The following RFX1 variants were observed in gnomAD, a reference collection of about 807,000 sequenced individuals.
RFX1 encodes regulatory factor X1, also known as MHC class II regulatory factor RFX1.
Under a neutral mutation model 119.6 loss-of-function variants are expected in RFX1, and 42 were observed. The ratio of observed to expected loss-of-function variants is 0.35; its 90% CI spans 0.27 to 0.45. The LOEUF (loss-of-function observed/expected upper bound fraction) is 0.45, where lower values mean the gene tolerates loss of function less well. Ranked by LOEUF, RFX1 falls within the 20% of genes least tolerant of loss-of-function variation. The pLI is 1.00. For missense variants in RFX1, 1,118 were observed against 1,368.1 expected, an observed-to-expected ratio of 0.82 and a Z score of 2.88; for synonymous variants, 628 against 618.5, an observed-to-expected ratio of 1.02 and a Z score of -0.23.
chr19:13,969,391 G>A lies in RFX1; in HGVS notation c.1497-497C>T, dbSNP rs1180568729. On this transcript the variant is annotated intron_variant, in intron 10 of 20. Transcript: ENST00000254325. This position sits in a 1 kb window ranked among gnomAD's most constrained non-coding sequence, Gnocchi z 4.5. ...TGTGGGCCGGGCACGGTGGGGTCATGCCTATAATCCTAGCACTTTGGGAGG... is the reference window on the plus strand; with the variant it reads ...TGTGGGCCGGGCACGGTGGGGTCATACCTATAATCCTAGCACTTTGGGAGG... Among the ~76,000 whole-genome samples, 1 of 152,180 alleles carries A rather than the reference G, an allele frequency of 6.6e-6. No homozygotes were observed. The highest frequency in any genetic ancestry group is 1.5e-5 in the Non-Finnish European group (1 of 68,028).
chr19:14,001,497 C>T (rs962381223), intron 1 of RFX1, among the ~76,000 whole-genome samples: 2 of 152,162 alleles, frequency 1.3e-5, no homozygotes, highest in African/African-American at 4.8e-5. Context: ...GATGGGGTCT[C>T]GCTATGTTGC....
Position 13,978,051 on chromosome 19 carries a change from C to A in RFX1, c.870G>T (p.Val290=). 6.2e-7 allele frequency: 1 copy of A among 1,613,596 alleles called. No homozygotes were observed. The highest frequency in any genetic ancestry group is 1.1e-5 in the South Asian group (1 of 91,084). ...CCACATACTGCACCTGGCTGGAGTA[C>A]ACGTGTGGGACGGGCACCTGCTGGA... ...QQLQQVPVPH[V]YSSQVQYVEG... Residue 290 remains valine (V), a synonymous_variant, in exon 8 of 21, where the codon GTG becomes GTT. Coordinates refer to ENST00000254325, the MANE Select transcript of RFX1 (RefSeq NM_002918.5).
chr19:14,004,220 G>A (rs1975301835), intron 1 of RFX1, among the ~76,000 whole-genome samples: 2 of 151,206 alleles, frequency 1.3e-5, no homozygotes, highest in South Asian at 4.3e-4. Flanking sequence ...GCTTTTTTAA[G>A]AAGGGCTAGC....
chr19:13,987,097 C>T (rs949037683), intron 2 of RFX1, among the ~76,000 whole-genome samples: 2 of 152,220 alleles, frequency 1.3e-5, no homozygotes, highest in African/African-American at 4.8e-5. Context: ...CCTAGAACTC[C>T]AAGTGAGAGA....
chr19:13,962,875 G>A lies in RFX1; in HGVS notation c.2771-11C>T. 6.5e-7 allele frequency: 1 copy of A among 1,532,490 alleles called. No homozygotes were observed. The highest frequency in any genetic ancestry group is 8.8e-7 in the Non-Finnish European group (1 of 1,138,764). The allele number at this position is 1,532,490 out of a possible 1,614,324, so 94.9% of individuals were successfully genotyped here. On this transcript the variant is annotated splice_polypyrimidine_tract_variant and intron_variant, in intron 20 of 20. Transcript: ENST00000254325. ...CTTCTTCCTCCTCGTCTGGAACACA[G>A]GGACCAAGTCCGGCTCGGGGCGGGG...
chr19:13,993,547 C>T lies in RFX1; in HGVS notation c.297G>A (p.Gln99=). The change falls in exon 2 of 21, where the codon CAG becomes CAA. Residue 99 remains glutamine (Q), a synonymous_variant. Coordinates refer to ENST00000254325, the MANE Select transcript of RFX1 (RefSeq NM_002918.5). ...TACCAGAGACAGTGACCACGATGTA[C>T]TGCTGGGGTGCAGGCGAAGGGGTGG... ...GAPTPSPAPQ[Q]YIVVTVSEGA... 6.2e-7 allele frequency: 1 copy of T among 1,612,938 alleles called. No individual in the cohort carries two copies. The highest frequency in any genetic ancestry group is 8.5e-7 in the Non-Finnish European group (1 of 1,179,552).
At chr19:13,976,279 G>A (rs546373068) in intron 8 of RFX1, among the ~76,000 whole-genome samples, 2 of 152,370 alleles carry the variant, frequency 1.3e-5, no homozygotes, top group Non-Finnish European at 2.9e-5. Context: ...TCCCAGCATT[G>A]TCCCCAGAAG....
intron 7 of RFX1, among the ~76,000 whole-genome samples, chr19:13,978,945 C>G (rs933029142): frequency 2.0e-5 from 3 of 151,744 alleles, no homozygotes; most frequent in Non-Finnish European, 4.4e-5. Context: ...CGTAATGGGG[C>G]GGCGGCGGCT....
At chr19:13,997,050 C>T (rs147680886) in intron 1 of RFX1, among the ~76,000 whole-genome samples, 23 of 150,096 alleles carry the variant, frequency 1.5e-4, no homozygotes, top group South Asian at 4.1e-4. Context: ...AGTAAGTACA[C>T]GGCATCTTGC....
At chr19:13,975,864 G>C (rs943532078) in intron 8 of RFX1, among the ~76,000 whole-genome samples, 1 of 152,248 alleles carries the variant, frequency 6.6e-6, no homozygotes, top group Non-Finnish European at 1.5e-5. Flanking sequence ...TTCACTCAGA[G>C]GGAGAGACAG....
chr19:13,988,080 G>GCAATGACA (rs1428339411), intron 2 of RFX1, among the ~76,000 whole-genome samples: 1 of 148,704 alleles, frequency 6.7e-6, no homozygotes, highest in Non-Finnish European at 1.5e-5. Context: ...AGGCTGGAGC[G>GCAATGACA]CAATGACATG....
At chr19:13,972,471 G>A (rs546831300) in intron 9 of RFX1, among the ~76,000 whole-genome samples, 15 of 152,318 alleles carry the variant, frequency 9.8e-5, no homozygotes, top group Admixed American at 1.3e-4. Flanking sequence ...TGGGATTACA[G>A]GTGTGAGCCA....
chr19:13,985,725 C>T lies in RFX1; in HGVS notation c.320-2130G>A, dbSNP rs183259850. 6.6e-6 allele frequency among the ~76,000 whole-genome samples: 1 copy of T among 152,306 alleles called. No homozygotes were observed. The highest frequency in any genetic ancestry group is 6.5e-5 in the Admixed American group (1 of 15,294). On this transcript the variant is annotated intron_variant, in intron 2 of 20. Coordinates refer to ENST00000254325, the MANE Select transcript of RFX1 (RefSeq NM_002918.5). This position sits in a 1 kb window ranked among gnomAD's most constrained non-coding sequence, Gnocchi z 4.3. ...GGAAGGAAAGTAAGCTGGGGGTCTA[C>T]GGGGACCCCTCAAAGTCTGAAGTAT...
rs7253273 is a variant in RFX1 at position 13,983,318 on chromosome 19, G to A, written c.430-48C>T. On this transcript the variant is annotated intron_variant, in intron 3 of 20. Transcript: ENST00000254325. Reference sequence around the variant, plus strand: ...GCTGAGCTGCCACTTCCCCCAGGGAGGCCTGGCGTGGTTGGGTGGCGGGCG... The same window carrying A: ...GCTGAGCTGCCACTTCCCCCAGGGAAGCCTGGCGTGGTTGGGTGGCGGGCG... 5,554 of 1,473,108 alleles carry A rather than the reference G, an allele frequency of 3.8e-3. 170 individuals carry two copies. In the African/African-American group the frequency reaches 0.066, roughly 18 times the overall value. The allele number at this position is 1,473,108 out of a possible 1,614,324, so 91.3% of individuals were successfully genotyped here. A position where few individuals can be genotyped will look rare whatever the true frequency, so the allele number is the denominator to read the frequency against.
intron 1 of RFX1, among the ~76,000 whole-genome samples, chr19:14,002,269 C>T (rs1025215573): frequency 4.1e-5 from 6 of 145,878 alleles, no homozygotes; most frequent in Admixed American, 2.1e-4. Flanking sequence ...GAGCCAAGAT[C>T]GTGCCACTGC....
In RFX1 at chr19:13,983,475, C is replaced by T. The variant is rs1373862851; in HGVS notation, c.429+11G>A. ...GGCCCTCCCCCACCCCCTGGGAGGG[C>T]CACATCCTACCTGCTGGGTGCCCTG... On this transcript the variant is annotated intron_variant, in intron 3 of 20. Coordinates refer to ENST00000254325, the MANE Select transcript of RFX1 (RefSeq NM_002918.5). The T allele has an allele frequency of 3.2e-6, 5 of 1,586,804 alleles. No individual in the cohort carries two copies. The African/African-American group carries it at 4.0e-5, about 13-fold the overall frequency.
rs185642638 is a variant in RFX1 at position 13,991,317 on chromosome 19, G to A, written c.319+2208C>T. On this transcript the variant is annotated intron_variant, in intron 2 of 20. Coordinates refer to ENST00000254325, the MANE Select transcript of RFX1 (RefSeq NM_002918.5). ...GCAGAGGGAGAATGGGTTTCTTGGA[G>A]CATGAAGTTCACTGTTAAGGAAATG... is the stretch of plus-strand genomic sequence containing the variant. Among the ~76,000 whole-genome samples, 9 of 152,282 alleles carry A rather than the reference G, an allele frequency of 5.9e-5. No individual in the cohort carries two copies. In the East Asian group the frequency reaches 1.7e-3, roughly 29 times the overall value.
chr19:14,002,240 A>G (rs539009226), intron 1 of RFX1, among the ~76,000 whole-genome samples: 1 of 149,618 alleles, frequency 6.7e-6, no homozygotes, highest in African/African-American at 2.5e-5. Flanking sequence ...GCTTGAACCC[A>G]GGAGGTGGAT....
rs1301538463 is a variant in RFX1, at chr19:13,986,621, T to C, written c.320-3026A>G. The stretch of plus-strand genomic sequence containing the variant: ...AGCGTCTGCATCTATCTGCCGGAGA[T>C]CGCCACTCTGGGCATGCGCAGGAGG... On this transcript the variant is annotated intron_variant, in intron 2 of 20. Coordinates refer to ENST00000254325, the MANE Select transcript of RFX1 (RefSeq NM_002918.5). This position sits in a 1 kb window ranked among gnomAD's most constrained non-coding sequence, Gnocchi z 4.2. 6.6e-6 allele frequency among the ~76,000 whole-genome samples: 1 copy of C among 152,074 alleles called. No individual in the cohort carries two copies. Among genetic ancestry groups the C allele is most frequent in the Non-Finnish European group, 1.5e-5 (1 of 67,986 alleles).
Sources: gnomAD v4.1 joint callset for allele counts (sites outside exome capture counted in the v4.1 genomes callset) on GRCh38, gnomAD v4.1.1 for gene constraint, Gnocchi (gnomAD v3.1) non-coding constraint, MANE v1.5 for transcripts, NCBI Gene and HGNC (gene_info 2026-07-23, HGNC 2026-07-21) for gene names.